The following CDH13 variants were observed in gnomAD, a reference collection of about 807,000 sequenced individuals.
CDH13 encodes the protein cadherin-13.
A neutral mutation model predicts 63.8 loss-of-function variants in CDH13; 24 were observed. The observed-to-expected ratio is 0.38, with a 90% CI of 0.27 to 0.53. The LOEUF (loss-of-function observed/expected upper bound fraction) is 0.53. Among genes scored for constraint, CDH13 ranks in the 20% least tolerant of loss-of-function variants. CDH13 has a pLI of 0.85. For missense variants in CDH13, 1,049 were observed against 903.1 expected (o/e 1.16, Z -2.07); for synonymous variants, 503 against 355.3 (o/e 1.42, Z -4.67).
rs185908250 is a variant in CDH13 at position 82,915,095 on chromosome 16, C to A, written c.157+56622C>A. Among the ~76,000 whole-genome samples, 269 of 152,318 alleles carry A rather than the reference C, an allele frequency of 1.8e-3. 1 individual carries two copies. Among genetic ancestry groups the A allele is most frequent in the African/African-American group, 6.2e-3 (257 of 41,572 alleles). ...TTTGAAATCCAGTGATGAAATGTAA[C>A]CCTGAGACAGCTTAAACAGAACTCA... On this transcript the variant is annotated intron_variant, in intron 2 of 13. Coordinates refer to ENST00000567109, the MANE Select transcript of CDH13 (RefSeq NM_001257.5).
intron 3 of CDH13, among the ~76,000 whole-genome samples, chr16:83,089,580 C>G (rs1368216154): frequency 1.3e-5 from 2 of 152,202 alleles, no homozygotes; most frequent in African/African-American, 4.8e-5. Context: ...GGCTTGGTGC[C>G]TGCTCTGGAG....
chr16:83,009,941 C>T (rs1597400209), intron 2 of CDH13, among the ~76,000 whole-genome samples: 2 of 151,914 alleles, frequency 1.3e-5, no homozygotes, highest in East Asian at 3.9e-4. Context: ...CTTGACCAGC[C>T]TGGCCAACAT....
chr16:83,204,001 C>A (rs2039109363), intron 4 of CDH13, among the ~76,000 whole-genome samples: 1 of 152,206 alleles, frequency 6.6e-6, no homozygotes, highest in Admixed American at 6.5e-5. Context: ...AAACGGGCAA[C>A]CCACTGGATA....
intron 5 of CDH13, among the ~76,000 whole-genome samples, chr16:83,234,717 C>A (rs180754096): frequency 1.2e-4 from 18 of 152,280 alleles, no homozygotes; most frequent in African/African-American, 4.3e-4. Context: ...ACCCCCAGCC[C>A]CTCTGGAGCT....
intron 1 of CDH13, among the ~76,000 whole-genome samples, chr16:82,820,227 T>G: frequency 6.6e-6 from 1 of 152,098 alleles, no homozygotes; most frequent in Non-Finnish European, 1.5e-5. Context: ...GATGAAATAG[T>G]CAATAGTGAA....
chr16:82,982,259 T>A (rs987013937), intron 2 of CDH13, among the ~76,000 whole-genome samples: 1 of 152,102 alleles, frequency 6.6e-6, no homozygotes, highest in African/African-American at 2.4e-5. Context: ...ATAATACTTA[T>A]CTTATAAATA....
At chr16:82,999,215 G>T (rs1236209405) in intron 2 of CDH13, among the ~76,000 whole-genome samples, 1 of 151,942 alleles carries the variant, frequency 6.6e-6, no homozygotes, top group Non-Finnish European at 1.5e-5. Context: ...CCTTATTGTA[G>T]ATACTCCTTA....
At chr16:82,950,319 A>G (rs911690177) in intron 2 of CDH13, among the ~76,000 whole-genome samples, 1 of 152,106 alleles carries the variant, frequency 6.6e-6, no homozygotes, top group Admixed American at 6.6e-5. Flanking sequence ...CTCTGAGTCC[A>G]AATCTCCCAT....
chr16:83,272,168 A>G (rs756285089), intron 5 of CDH13, among the ~76,000 whole-genome samples: 2 of 152,236 alleles, frequency 1.3e-5, no homozygotes, highest in Non-Finnish European at 2.9e-5. Flanking sequence ...GGCAAATAAG[A>G]TGAAGTCTCC....
At chr16:83,191,494 T>TAG (rs2038704749) in intron 4 of CDH13, among the ~76,000 whole-genome samples, 1 of 69,028 alleles carries the variant, frequency 1.4e-5, no homozygotes, top group Non-Finnish European at 2.8e-5. Flanking sequence ...TATATGCACA[T>TAG]ATATATATAT....
chr16:83,648,153 G>T (rs1182390161), intron 8 of CDH13, among the ~76,000 whole-genome samples: 1 of 152,112 alleles, frequency 6.6e-6, no homozygotes, highest in African/African-American at 2.4e-5. Context: ...TACCTTGGAA[G>T]GACCAAGGTA....
intron 3 of CDH13, among the ~76,000 whole-genome samples, chr16:83,035,444 C>T (rs548015917): frequency 6.0e-4 from 92 of 152,302 alleles, no homozygotes; most frequent in South Asian, 1.7e-3. Flanking sequence ...TGCTGACTCA[C>T]GTAACCTCCT....
chr16:83,376,071 C>G (rs548367153), intron 6 of CDH13, among the ~76,000 whole-genome samples: 4 of 152,158 alleles, frequency 2.6e-5, no homozygotes, highest in African/African-American at 9.7e-5. Context: ...ATCTTTCTTA[C>G]TTATTCCTTG....
At chr16:82,733,486 A>T (rs1244560690) in intron 1 of CDH13, among the ~76,000 whole-genome samples, 1 of 152,188 alleles carries the variant, frequency 6.6e-6, no homozygotes. Flanking sequence ...AACCAAGGGA[A>T]AGAGTTCATG....
At chr16:82,840,738 G>T (rs1264927000) in intron 1 of CDH13, among the ~76,000 whole-genome samples, 1 of 151,670 alleles carries the variant, frequency 6.6e-6, no homozygotes, top group Non-Finnish European at 1.5e-5. Flanking sequence ...GCTAATTCAG[G>T]TTCCCAGGAT....
chr16:82,698,257 C>G (rs886592819), intron 1 of CDH13, among the ~76,000 whole-genome samples: 5 of 152,168 alleles, frequency 3.3e-5, no homozygotes, highest in African/African-American at 7.2e-5. Flanking sequence ...CTTTGCATGT[C>G]AAGCATATGT....
intron 2 of CDH13, among the ~76,000 whole-genome samples, chr16:82,894,096 T>G (rs1453276162): frequency 1.3e-5 from 2 of 152,248 alleles, no homozygotes; most frequent in Non-Finnish European, 2.9e-5. Flanking sequence ...ATCCGTTGTC[T>G]GTACACCTCC....
chr16:83,648,419 A>G (rs947362292), intron 8 of CDH13, among the ~76,000 whole-genome samples: 3 of 152,186 alleles, frequency 2.0e-5, no homozygotes, highest in Admixed American at 2.0e-4. Flanking sequence ...ATGGTAGTTA[A>G]TGCAGAGGCA....
At chr16:83,479,088 TGCTGTC>T (rs1371956350) in intron 6 of CDH13, among the ~76,000 whole-genome samples, 5 of 152,200 alleles carry the variant, frequency 3.3e-5, no homozygotes, top group Non-Finnish European at 7.3e-5. Context: ...CCCTATCAAT[TGCTGTC>T]TACTCAAGAA....
Sources: allele counts gnomAD v4.1 joint callset (sites outside exome capture counted in the v4.1 genomes callset), GRCh38; gene constraint gnomAD v4.1.1; transcripts MANE v1.5; gene names NCBI Gene and HGNC (gene_info 2026-07-23, HGNC 2026-07-21).